PCDH9: variants seen among roughly 807,000 people sequenced by gnomAD.
The protein encoded by PCDH9 is protocadherin 9.
A neutral mutation model predicts 70.6 loss-of-function variants in PCDH9; 24 were observed. The ratio of observed to expected loss-of-function variants is 0.34; its 90% CI spans 0.25 to 0.48. The LOEUF is 0.48. Among genes scored for constraint, PCDH9 ranks in the 20% least tolerant of loss-of-function variants. The pLI is 0.99. For synonymous variants in PCDH9, 562 were observed against 558.5 expected (o/e 1.01, Z -0.09); for missense variants, 1,281 against 1,503.6 (o/e 0.85, Z 2.45).
intron 3 of PCDH9, among the ~76,000 whole-genome samples, chr13:66,683,509 C>T (rs946240752): frequency 8.5e-5 from 13 of 152,198 alleles, no homozygotes; most frequent in Non-Finnish European, 1.6e-4. Context: ...GGGATGCATT[C>T]ACAACCCATA....
chr13:66,836,238 C>T (rs573620498), intron 3 of PCDH9, among the ~76,000 whole-genome samples: 1 of 152,220 alleles, frequency 6.6e-6, no homozygotes, highest in Non-Finnish European at 1.5e-5. Flanking sequence ...CCCTCTTTCT[C>T]GATAATCAAA....
Position 66,410,005 on chromosome 13 carries a change from C to T in PCDH9, c.3341-104977G>A, listed in dbSNP as rs187344304. The stretch of plus-strand genomic sequence containing the variant: ...AGAATGAGCTTTGTCTGCCTTTCCC[C>T]TCTCCTGAGCAGATGGTTGGCTAAA... On this transcript the variant is annotated intron_variant, in intron 4 of 4. Coordinates refer to ENST00000377865, the MANE Select transcript of PCDH9 (RefSeq NM_203487.3). Among the ~76,000 whole-genome samples, 155 of 152,294 alleles carry T rather than the reference C, an allele frequency of 1.0e-3. 1 individual carries two copies. The highest frequency in any genetic ancestry group is 2.6e-3 in the Admixed American group (40 of 15,294).
chr13:66,400,821 T>C (rs1347093739), intron 4 of PCDH9, among the ~76,000 whole-genome samples: 1 of 152,108 alleles, frequency 6.6e-6, no homozygotes, highest in African/African-American at 2.4e-5. Flanking sequence ...TAGTGTAATA[T>C]CTAAGGAAAA....
chr13:66,557,648 C>G (rs4884679), intron 4 of PCDH9, among the ~76,000 whole-genome samples: 2 of 152,004 alleles, frequency 1.3e-5, no homozygotes, highest in Non-Finnish European at 2.9e-5. Context: ...GCGTTTTTAA[C>G]AGTAAAGGGA....
intron 3 of PCDH9, among the ~76,000 whole-genome samples, chr13:66,671,681 G>A (rs1268659348): frequency 6.6e-6 from 1 of 152,200 alleles, no homozygotes; most frequent in African/African-American, 2.4e-5. Flanking sequence ...CTTTGAACTT[G>A]AGGAGTTGAT....
At chr13:67,023,463 A>G (rs1458337846) in intron 2 of PCDH9, among the ~76,000 whole-genome samples, 1 of 151,552 alleles carries the variant, frequency 6.6e-6, no homozygotes, top group East Asian at 1.9e-4. Flanking sequence ...CACATAAAAT[A>G]AAGACATTTT....
intron 4 of PCDH9, among the ~76,000 whole-genome samples, chr13:66,375,164 G>A (rs181574064): frequency 6.6e-6 from 1 of 152,068 alleles, no homozygotes; most frequent in African/African-American, 2.4e-5. Flanking sequence ...GTCATCGACA[G>A]ATGAAGTTAA....
At position 66,415,434 on chromosome 13, in the gene PCDH9, C is replaced by T. The variant is rs548861653; in HGVS notation, c.3341-110406G>A. Among the ~76,000 whole-genome samples the T allele has an allele frequency of 5.9e-5, 9 of 152,264 alleles. No homozygotes were observed. In the South Asian group the frequency reaches 1.7e-3, roughly 28 times the overall value. On this transcript the variant is annotated intron_variant, in intron 4 of 4. Coordinates refer to ENST00000377865, the MANE Select transcript of PCDH9 (RefSeq NM_203487.3). Reference sequence around the variant, plus strand: ...ACTTGTGTCTATATCATCATAAATGCCATCTCTTCATGGGTAGAATCCATT... The same window carrying T: ...ACTTGTGTCTATATCATCATAAATGTCATCTCTTCATGGGTAGAATCCATT...
At chr13:66,462,839 C>T (rs1958449622) in intron 4 of PCDH9, among the ~76,000 whole-genome samples, 2 of 151,692 alleles carry the variant, frequency 1.3e-5, no homozygotes. Flanking sequence ...GAAAGTCACT[C>T]CTATTTTCTA....
intron 4 of PCDH9, among the ~76,000 whole-genome samples, chr13:66,389,343 G>C (rs947035867): frequency 1.3e-5 from 2 of 152,002 alleles, no homozygotes; most frequent in Non-Finnish European, 2.9e-5. Flanking sequence ...CCTTATATTG[G>C]CTGCAGATGG....
At chr13:66,514,831 G>A (rs1959657116) in intron 4 of PCDH9, among the ~76,000 whole-genome samples, 1 of 152,092 alleles carries the variant, frequency 6.6e-6, no homozygotes, top group African/African-American at 2.4e-5. Flanking sequence ...AACTATATGT[G>A]ATTATCTGGT....
intron 4 of PCDH9, among the ~76,000 whole-genome samples, chr13:66,552,653 T>A (rs1237217511): frequency 6.6e-6 from 1 of 152,116 alleles, no homozygotes; most frequent in Non-Finnish European, 1.5e-5. Context: ...AGTAAAAAGA[T>A]AATGATTAAA....
chr13:66,398,724 T>C (rs1010692789), intron 4 of PCDH9, among the ~76,000 whole-genome samples: 2 of 152,242 alleles, frequency 1.3e-5, no homozygotes, highest in African/African-American at 4.8e-5. Flanking sequence ...CTAATAGTTA[T>C]TAAAATATCT....
At chr13:66,948,532 C>T (rs1183677287) in intron 2 of PCDH9, among the ~76,000 whole-genome samples, 1 of 141,764 alleles carries the variant, frequency 7.1e-6, no homozygotes, top group African/African-American at 2.5e-5. Context: ...TATAGTGATA[C>T]AGAAAAAAAA....
chr13:67,083,872 G>A (rs1227898731), intron 2 of PCDH9, among the ~76,000 whole-genome samples: 2 of 152,166 alleles, frequency 1.3e-5, no homozygotes, highest in Admixed American at 1.3e-4. Context: ...GATTTTCAGT[G>A]TGTTTTAATT....
At chr13:66,415,298 G>A (rs150952137) in intron 4 of PCDH9, among the ~76,000 whole-genome samples, 487 of 152,156 alleles carry the variant, frequency 3.2e-3, no homozygotes, top group South Asian at 0.012. Flanking sequence ...TGAACTAAAA[G>A]CCCAGGAGAG....
chr13:66,682,519 C>A (rs1186344102), intron 3 of PCDH9, among the ~76,000 whole-genome samples: 1 of 151,976 alleles, frequency 6.6e-6, no homozygotes, highest in African/African-American at 2.4e-5. Context: ...CTGTTTCCAG[C>A]TCAGTTTCGG....
intron 2 of PCDH9, among the ~76,000 whole-genome samples, chr13:66,935,503 A>G (rs1429168008): frequency 6.6e-6 from 1 of 152,182 alleles, no homozygotes; most frequent in Admixed American, 6.5e-5. Context: ...AAGTGATACA[A>G]TGTGCAAATA....
chr13:66,391,694 A>G (rs166500), intron 4 of PCDH9, among the ~76,000 whole-genome samples: 105,677 of 151,650 alleles, frequency 0.7, 37,031 homozygotes, highest in East Asian at 0.86. Flanking sequence ...AGCTTATACC[A>G]TAGAAGTCTT....
Sources: gnomAD v4.1 joint callset for allele counts (sites outside exome capture counted in the v4.1 genomes callset) on GRCh38, gnomAD v4.1.1 for gene constraint, MANE v1.5 for transcripts, NCBI Gene and HGNC (gene_info 2026-07-23, HGNC 2026-07-21) for gene names.